ASIC2: variants seen among roughly 807,000 people sequenced by gnomAD.
The protein encoded by ASIC2 is acid sensing ion channel subunit 2.
ASIC2 carries 25 observed loss-of-function variants against 57.3 expected under a neutral mutation model. The observed-to-expected ratio is 0.44, with a 90% CI of 0.32 to 0.61. ASIC2 has a LOEUF of 0.61. Ranked by LOEUF, ASIC2 falls within the 20% of genes least tolerant of loss-of-function variation. The probability of loss-of-function intolerance (pLI) is 0.06; values close to 1 mark genes in which losing one functional copy is unlikely to be tolerated. For synonymous variants in ASIC2, 319 were observed against 307.5 expected, an observed-to-expected ratio of 1.04 and a Z score of -0.39; for missense variants, 641 against 738.1, an observed-to-expected ratio of 0.87 and a Z score of 1.52.
chr17:33,148,228 T>G (rs951576128), intron 1 of ASIC2, among the ~76,000 whole-genome samples: 1 of 152,214 alleles, frequency 6.6e-6, no homozygotes. Context: ...AATGCCATAC[T>G]GCACAAAGAA....
At chr17:34,094,954 G>C (rs184517550) in intron 1 of ASIC2, among the ~76,000 whole-genome samples, 2 of 152,262 alleles carry the variant, frequency 1.3e-5, no homozygotes, top group Admixed American at 6.5e-5. Flanking sequence ...TGTGCATTAG[G>C]AACAACGAGG....
rs1003603515 is a variant in ASIC2 at position 33,503,628 on chromosome 17, C to T, written c.556-391561G>A. Among the ~76,000 whole-genome samples, 6 of 152,280 alleles carry T rather than the reference C, an allele frequency of 3.9e-5. No homozygotes were observed. In the South Asian group the frequency reaches 1.2e-3, roughly 32 times the overall value. On this transcript the variant is annotated intron_variant, in intron 1 of 9. Coordinates refer to the ASIC2 transcript ENST00000359872. ...CATCTTACCTTCTCCCTCTCCTCCT[C>T]CTCCTCCAAATCAAAACCTCTTGGA...
intron 1 of ASIC2, among the ~76,000 whole-genome samples, chr17:33,327,731 A>T (rs1430117888): frequency 2.0e-5 from 3 of 152,240 alleles, no homozygotes; most frequent in Non-Finnish European, 4.4e-5. Context: ...CATGAGTATA[A>T]TTGTGCTCCC....
intron 1 of ASIC2, among the ~76,000 whole-genome samples, chr17:33,389,001 C>A (rs1909795400): frequency 6.6e-6 from 1 of 152,140 alleles, no homozygotes; most frequent in Admixed American, 6.5e-5. Context: ...ACTCTGTCAC[C>A]CAGGCTGGAG....
At chr17:34,084,324 C>T (rs1384366766) in intron 1 of ASIC2, among the ~76,000 whole-genome samples, 6 of 152,126 alleles carry the variant, frequency 3.9e-5, no homozygotes, top group Non-Finnish European at 8.8e-5. Flanking sequence ...TTGCTTGTTT[C>T]TGTCAGGTTT....
chr17:33,246,757 G>A (rs943664709), intron 1 of ASIC2, among the ~76,000 whole-genome samples: 2 of 152,218 alleles, frequency 1.3e-5, no homozygotes, highest in African/African-American at 2.4e-5. Flanking sequence ...TAGTCACATA[G>A]AAGCAGAGCC....
chr17:33,023,818 C>G, intron 6 of ASIC2, 43 bp downstream of exon 6: 1 of 1,610,860 alleles, frequency 6.2e-7, no homozygotes. Context: ...TCCTCCTTAT[C>G]CAGTTCCCCC....
chr17:33,469,994 A>G (rs1387409318), intron 1 of ASIC2, among the ~76,000 whole-genome samples: 2 of 151,840 alleles, frequency 1.3e-5, no homozygotes, highest in African/African-American at 4.8e-5. Flanking sequence ...TAGGGGGACA[A>G]ATGCACAACC....
In ASIC2 at chr17:34,059,249, A is replaced by G. The variant is rs150082850; in HGVS notation, c.555+96729T>C. ...CACACACCCCCACTGGAGAGGTTGA[A>G]GGTCTGTTTGTGGGAGAAGCTTCTG... On this transcript the variant is annotated intron_variant, in intron 1 of 9. Coordinates refer to the ASIC2 transcript ENST00000359872. 2.9e-3 allele frequency among the ~76,000 whole-genome samples: 444 copies of G among 152,342 alleles called. 3 individuals are homozygous for G. Among genetic ancestry groups the G allele is most frequent in the African/African-American group, 0.01 (423 of 41,564 alleles).
At chr17:33,379,774 G>A (rs1909413027) in intron 1 of ASIC2, among the ~76,000 whole-genome samples, 1 of 152,214 alleles carries the variant, frequency 6.6e-6, no homozygotes, top group African/African-American at 2.4e-5. Context: ...CATTGGTGGT[G>A]AGGCCAAGGG....
chr17:33,885,347 A>G (rs1211882884), intron 1 of ASIC2, among the ~76,000 whole-genome samples: 4 of 152,202 alleles, frequency 2.6e-5, no homozygotes, highest in Admixed American at 2.0e-4. Flanking sequence ...TGTGATACTA[A>G]TAGATTACTA....
At chr17:33,111,811 G>C in intron 2 of ASIC2, 106 bp downstream of exon 2, 1 of 1,447,794 alleles carries the variant, frequency 6.9e-7, no homozygotes, top group African/African-American at 1.4e-5. Context: ...CCCCTTGCTG[G>C]AGAGCAGTCC....
intron 1 of ASIC2, among the ~76,000 whole-genome samples, chr17:34,024,785 A>AT (rs1344527122): frequency 6.6e-6 from 1 of 152,054 alleles, no homozygotes; most frequent in African/African-American, 2.4e-5. Context: ...TTCAGAGTCC[A>AT]TTTTTTTGTG....
At chr17:33,892,499 C>T (rs1412143191) in intron 1 of ASIC2, among the ~76,000 whole-genome samples, 1 of 152,170 alleles carries the variant, frequency 6.6e-6, no homozygotes, top group African/African-American at 2.4e-5. Context: ...CCTCTATCTA[C>T]TTTCTCCTTG....
intron 1 of ASIC2, among the ~76,000 whole-genome samples, chr17:33,290,346 G>A (rs765019560): frequency 6.6e-6 from 1 of 152,200 alleles, no homozygotes; most frequent in African/African-American, 2.4e-5. Context: ...CACCATCATA[G>A]CACTACCAAT....
In ASIC2 at chr17:33,292,313, C is replaced by G. The variant is rs1293806363; in HGVS notation, c.-198G>C. On this transcript the variant is annotated 5_prime_UTR_variant, in exon 1 of 10. Transcript: ENST00000225823. ...GCTGCCGCCTCCGCGGGCGCCCGCCCGGGGCTGAGCGCCGCCTCAGCCCGC... is the reference window on the plus strand; with the variant it reads ...GCTGCCGCCTCCGCGGGCGCCCGCCGGGGGCTGAGCGCCGCCTCAGCCCGC... 2.0e-6 allele frequency: 2 copies of G among 986,536 alleles called. No individual in the cohort carries two copies. The highest frequency in any genetic ancestry group is 2.4e-6 in the Non-Finnish European group (2 of 831,628). 61.1% of individuals were successfully genotyped at this position (986,536 alleles called of 1,614,324 possible). A position where few individuals can be genotyped will look rare whatever the true frequency, so the allele number is the denominator to read the frequency against.
At chr17:33,058,645 C>T (rs897244570) in intron 3 of ASIC2, among the ~76,000 whole-genome samples, 2 of 152,088 alleles carry the variant, frequency 1.3e-5, no homozygotes, top group Admixed American at 1.3e-4. Context: ...ATCTATCTTC[C>T]TTTCGGCCCC....
rs1904725324 is a variant in ASIC2 at position 34,156,441 on chromosome 17, T to C, written c.92A>G (p.His31Arg). 6.2e-7 allele frequency: 1 copy of C among 1,614,184 alleles called. No individual in the cohort carries two copies. Among genetic ancestry groups the C allele is most frequent in the East Asian group, 2.2e-5 (1 of 44,846 alleles). The change falls in exon 1 of 10, where the codon CAC becomes CGC. Residue 31 changes from histidine to arginine, a missense_variant. Transcript: ENST00000359872. The surrounding 1 kb of genome is among the most constrained non-coding windows in gnomAD (Gnocchi z 4.4). ...GGTCAGCGGCCCATACACGAAGATG[T>C]GGCGGATGCCATGGAGGGTGGAGGT...
At chr17:33,025,859 A>G (rs1284950265) in intron 5 of ASIC2, 67 bp downstream of exon 5, 19 of 1,447,478 alleles carry the variant, frequency 1.3e-5, no homozygotes, top group Non-Finnish European at 1.7e-5. Flanking sequence ...CCAAACCCAG[A>G]TGATTTCCAT....
Sources: allele counts gnomAD v4.1 joint callset (sites outside exome capture counted in the v4.1 genomes callset), GRCh38; gene constraint gnomAD v4.1.1; non-coding constraint Gnocchi (gnomAD v3.1); transcripts MANE v1.5; gene names NCBI Gene and HGNC (gene_info 2026-07-23, HGNC 2026-07-21).